IQGAP2: variants seen among roughly 807,000 people sequenced by gnomAD.
The protein encoded by IQGAP2 is IQ motif containing GTPase activating protein 2.
IQGAP2 carries 173 observed loss-of-function variants against 201.3 expected under a neutral mutation model. That is an observed-to-expected ratio of 0.86 (90% CI 0.76 to 0.98). The LOEUF is 0.98. IQGAP2 is among the 50% of genes least tolerant of loss of function. The probability of loss-of-function intolerance (pLI) is 0.00; values close to 1 mark genes in which losing one functional copy is unlikely to be tolerated. For synonymous variants in IQGAP2, 675 were observed against 673.9 expected (o/e 1.00, Z -0.03); for missense variants, 1,687 against 1,864.8 (o/e 0.90, Z 1.76).
intron 35 of IQGAP2, among the ~76,000 whole-genome samples, chr5:76,706,249 G>T (rs972200892): frequency 2.0e-5 from 3 of 152,054 alleles, no homozygotes; most frequent in African/African-American, 7.2e-5. Flanking sequence ...AGAAATAGGA[G>T]TTCTAATATT....
At chr5:76,677,033 T>C in intron 27 of IQGAP2, 185 bp from the exon 28 acceptor site, 1 of 557,542 alleles carries the variant, frequency 1.8e-6, no homozygotes, top group Non-Finnish European at 3.1e-6. Flanking sequence ...CTGGGTCCAA[T>C]ATCCAGAAAC....
At chr5:76,452,472 C>T (rs1753820432) in intron 1 of IQGAP2, among the ~76,000 whole-genome samples, 3 of 152,062 alleles carry the variant, frequency 2.0e-5, no homozygotes, top group Non-Finnish European at 4.4e-5. Flanking sequence ...TCTAATTTGT[C>T]AATATTGAAT....
chr5:76,492,959 C>A (rs960414469), intron 2 of IQGAP2, among the ~76,000 whole-genome samples: 1 of 152,132 alleles, frequency 6.6e-6, no homozygotes, highest in Non-Finnish European at 1.5e-5. Flanking sequence ...GACTGATATG[C>A]GTACCAGCAT....
Position 76,574,173 on chromosome 5 carries a change from TTAAAG to T in IQGAP2, c.382-1515_382-1511del, listed in dbSNP as rs1203366880. 3.3e-5 allele frequency among the ~76,000 whole-genome samples: 5 copies of T among 152,230 alleles called. No homozygotes were observed. The East Asian group carries it at 7.7e-4, about 23-fold the overall frequency. The stretch of plus-strand genomic sequence containing the variant: ...ATGTCAGTTTTTATAAAATATTTAC[TTAAAG>T]TAAATAATGTCTAAATGATTATCTT... On this transcript the variant is annotated intron_variant, in intron 4 of 35. Coordinates refer to ENST00000274364, the MANE Select transcript of IQGAP2 (RefSeq NM_006633.5).
At chr5:76,444,562 T>G (rs763862213) in intron 1 of IQGAP2, among the ~76,000 whole-genome samples, 47 of 152,218 alleles carry the variant, frequency 3.1e-4, no homozygotes, top group Admixed American at 5.2e-4. Flanking sequence ...GCCTCCCAAA[T>G]TGCTGGGATT....
intron 1 of IQGAP2, among the ~76,000 whole-genome samples, chr5:76,425,139 CTT>C (rs1203200450): frequency 6.6e-6 from 1 of 152,198 alleles, no homozygotes; most frequent in African/African-American, 2.4e-5. Context: ...GCCTTTCTTG[CTT>C]TCTTTCCCTG....
chr5:76,566,815 G>T (rs1744783113), intron 3 of IQGAP2, among the ~76,000 whole-genome samples: 1 of 152,052 alleles, frequency 6.6e-6, no homozygotes, highest in Non-Finnish European at 1.5e-5. Context: ...ACAGCTGGGT[G>T]GACAGTGGGA....
At chr5:76,685,326 G>A (rs113579787) in intron 30 of IQGAP2, among the ~76,000 whole-genome samples, 110 of 152,240 alleles carry the variant, frequency 7.2e-4, no homozygotes, top group African/African-American at 2.4e-3. Context: ...AATGAAATTA[G>A]GCCAAGTATC....
intron 1 of IQGAP2, among the ~76,000 whole-genome samples, chr5:76,452,498 T>A (rs932301744): frequency 1.3e-5 from 2 of 152,186 alleles, no homozygotes; most frequent in Admixed American, 1.3e-4. Flanking sequence ...TTTTTTTCTG[T>A]TGCTGGACTA....
chr5:76,549,303 C>G (rs1743291300), intron 2 of IQGAP2, among the ~76,000 whole-genome samples: 1 of 147,172 alleles, frequency 6.8e-6, no homozygotes, highest in African/African-American at 2.6e-5. Flanking sequence ...GGTTCAGTCT[C>G]AGGCGTCGAG....
chr5:76,691,561 C>G (rs970563591), intron 30 of IQGAP2: 4 of 152,072 alleles, frequency 2.6e-5, no homozygotes, highest in Admixed American at 2.6e-4. Flanking sequence ...CAGCCACAGC[C>G]GCTTTAGGAA....
chr5:76,414,116 T>G (rs2150073830), intron 1 of IQGAP2, among the ~76,000 whole-genome samples: 1 of 152,356 alleles, frequency 6.6e-6, no homozygotes, highest in East Asian at 1.9e-4. Flanking sequence ...AAAAAAATTC[T>G]AGTACTTTTC....
chr5:76,470,295 T>C (rs1284523454), intron 2 of IQGAP2, among the ~76,000 whole-genome samples: 5 of 152,170 alleles, frequency 3.3e-5, no homozygotes, highest in East Asian at 1.9e-4. Context: ...ATTTATGCTG[T>C]ATCCTATTCA....
At chr5:76,675,614 G>A (rs902881692) in intron 27 of IQGAP2, among the ~76,000 whole-genome samples, 17 of 152,118 alleles carry the variant, frequency 1.1e-4, no homozygotes, top group African/African-American at 4.1e-4. Flanking sequence ...TGTCATGTTT[G>A]TTCTCATGTC....
intron 13 of IQGAP2, among the ~76,000 whole-genome samples, chr5:76,620,055 C>T (rs987221306): frequency 6.6e-6 from 1 of 152,108 alleles, no homozygotes; most frequent in African/African-American, 2.4e-5. Flanking sequence ...GAACACAACC[C>T]CACCAACAGC....
chr5:76,620,967 G>A (rs904030987), intron 13 of IQGAP2, among the ~76,000 whole-genome samples: 1 of 152,066 alleles, frequency 6.6e-6, no homozygotes, highest in African/African-American at 2.4e-5. Flanking sequence ...ATAACTTTTT[G>A]TAACCCTTTC....
intron 2 of IQGAP2, among the ~76,000 whole-genome samples, chr5:76,463,686 T>C (rs1480688888): frequency 6.6e-6 from 1 of 152,188 alleles, no homozygotes; most frequent in Non-Finnish European, 1.5e-5. Flanking sequence ...TTCAGATTCT[T>C]TGAGGAAAAC....
At chr5:76,443,985 G>T (rs541049653) in intron 1 of IQGAP2, among the ~76,000 whole-genome samples, 1 of 152,150 alleles carries the variant, frequency 6.6e-6, no homozygotes, top group African/African-American at 2.4e-5. Context: ...GCTCAGTTTC[G>T]TCTACCAAAT....
rs1386896223 is a variant in IQGAP2 at position 76,599,372 on chromosome 5, T to C, written c.1072-1440T>C. 4.6e-5 allele frequency among the ~76,000 whole-genome samples: 7 copies of C among 152,350 alleles called. No individual in the cohort carries two copies. In the East Asian group the frequency reaches 1.2e-3, roughly 25 times the overall value. On this transcript the variant is annotated intron_variant, in intron 10 of 35. Transcript: ENST00000274364. The stretch of plus-strand genomic sequence containing the variant: ...TGGCTCTGAAGCTCAAGGCTACTTA[T>C]GCTTGAGGACACTCATTCATCCTCA...
Sources: gnomAD v4.1 joint callset for allele counts (sites outside exome capture counted in the v4.1 genomes callset) on GRCh38, gnomAD v4.1.1 for gene constraint, MANE v1.5 for transcripts, NCBI Gene and HGNC (gene_info 2026-07-23, HGNC 2026-07-21) for gene names.